The following GRIN2B variants were observed in gnomAD, a reference collection of about 807,000 sequenced individuals.
GRIN2B encodes glutamate receptor ionotropic, NMDA 2B.
In GRIN2B, 5 loss-of-function variants were observed where a neutral mutation model predicts 114.5. That is an observed-to-expected ratio of 0.04 (90% CI 0.02 to 0.09). GRIN2B has a LOEUF of 0.09. Among genes scored for constraint, GRIN2B ranks in the 10% least tolerant of loss-of-function variants. The probability of loss-of-function intolerance (pLI) is 1.00; values close to 1 mark genes in which losing one functional copy is unlikely to be tolerated. For synonymous variants in GRIN2B, 787 were observed against 745.1 expected (o/e 1.06, Z -0.92); for missense variants, 1,108 against 1,943.5 (o/e 0.57, Z 8.08).
chr12:13,976,868 C>G (rs1591650232), intron 2 of GRIN2B, among the ~76,000 whole-genome samples: 2 of 152,108 alleles, frequency 1.3e-5, no homozygotes, highest in South Asian at 4.1e-4. Flanking sequence ...AGGGATGCAT[C>G]AGCTCAGTCC....
chr12:13,543,370 A>G lies in GRIN2B; in HGVS notation c.*19413T>C, dbSNP rs1948305873. 2 of 152,188 alleles carry G rather than the reference A, an allele frequency of 1.3e-5. No individual in the cohort carries two copies. The highest frequency in any genetic ancestry group is 2.9e-5 in the Non-Finnish European group (2 of 68,060). 9.4% of individuals were successfully genotyped at this position (152,188 alleles called of 1,614,324 possible). A position where few individuals can be genotyped will look rare whatever the true frequency, so the allele number is the denominator to read the frequency against. On this transcript the variant is annotated 3_prime_UTR_variant, in exon 14 of 14. Coordinates refer to ENST00000609686, the MANE Select transcript of GRIN2B (RefSeq NM_000834.5). ...CTTGAATCTCAATCCTCTGCCTCTA[A>G]TATGCTTCATTGTTCCTCCTTCCCT...
intron 3 of GRIN2B, among the ~76,000 whole-genome samples, chr12:13,859,599 G>A (rs10772713): frequency 0.38 from 57,842 of 151,874 alleles, 11,244 homozygotes; most frequent in Middle Eastern, 0.47. Flanking sequence ...AGGTAATTTT[G>A]TCCTGGCTTT....
intron 5 of GRIN2B, among the ~76,000 whole-genome samples, chr12:13,657,757 A>T (rs1949880618): frequency 6.6e-6 from 1 of 152,234 alleles, no homozygotes; most frequent in South Asian, 2.1e-4. Context: ...GACAGAGATT[A>T]GATATTTCAT....
chr12:13,865,882 G>A lies in GRIN2B; in HGVS notation c.327C>T (p.Ala109=), dbSNP rs748395100. Residue 109 remains alanine, a synonymous_variant, in exon 3 of 14, where the codon GCC becomes GCT. Coordinates refer to ENST00000609686, the MANE Select transcript of GRIN2B (RefSeq NM_000834.5). ...FADDTDQEAI[A]QILDFISAQT... The stretch of plus-strand genomic sequence containing the variant: ...GTGCTGAAATGAAATCGAGGATCTG[G>A]GCGATGGCTTCCTGGTCTGTGTCAT... 1.2e-6 allele frequency: 2 copies of A among 1,614,046 alleles called. No individual in the cohort carries two copies. The highest frequency in any genetic ancestry group is 4.5e-5 in the East Asian group (2 of 44,860).
chr12:13,761,281 C>T (rs1327989850), intron 3 of GRIN2B, among the ~76,000 whole-genome samples: 2 of 152,118 alleles, frequency 1.3e-5, no homozygotes, highest in Non-Finnish European at 2.9e-5. Flanking sequence ...TGAATTTGGC[C>T]CCATTTTCCT....
rs75650582 is a variant in GRIN2B at position 13,644,303 on chromosome 12, T to C, written c.1126-27646A>G. Among the ~76,000 whole-genome samples the C allele has an allele frequency of 1.9e-3, 282 of 152,284 alleles. 3 individuals are homozygous for C. The highest frequency in any genetic ancestry group is 6.5e-3 in the African/African-American group (270 of 41,584). On this transcript the variant is annotated intron_variant, in intron 5 of 13. Transcript: ENST00000609686. ...GGTCTTGAATGACTAGATGTATTTA[T>C]TGTCAATGAGCAGTGATATTTTGAA...
chr12:13,563,366 T>A lies in GRIN2B; in HGVS notation c.3872A>T (p.Gln1291Leu). The A allele has an allele frequency of 6.2e-7, 1 of 1,614,180 alleles. No individual in the cohort carries two copies. The highest frequency in any genetic ancestry group is 8.5e-7 in the Non-Finnish European group (1 of 1,180,030). ...YPQSPTNSKA[Q>L]KKNRNKLRRQ... ...GCGCAGTTTGTTCCGGTTCTTCTTCTGGGCCTTGGAATTAGTCGGGCTCTG... is the reference window on the plus strand; with the variant it reads ...GCGCAGTTTGTTCCGGTTCTTCTTCAGGGCCTTGGAATTAGTCGGGCTCTG... Residue 1291 changes from glutamine to leucine, a missense_variant, in exon 14 of 14, where the codon CAG becomes CTG. Gln to Leu is a moderately radical substitution (Grantham distance 113, BLOSUM62 -2). Transcript: ENST00000609686.
Position 13,753,326 on chromosome 12 carries a change from A to G in GRIN2B, c.1001T>C (p.Met334Thr). The change falls in exon 4 of 14, where the codon ATG (methionine) becomes ACG (threonine). Residue 334 changes from methionine to threonine, a missense_variant. Transcript: ENST00000609686. The surrounding 1 kb of genome is among the most constrained non-coding windows in gnomAD (Gnocchi z 6.2). Reference protein sequence around the residue: ...THEKRIYQSNMLNRYLINVTF... With the variant: ...THEKRIYQSNTLNRYLINVTF... ...TCTGTTCCACACTCACCTATTTAGC[A>G]TATTGGACTGGTAGATTCTCTTCTC... is the stretch of plus-strand genomic sequence containing the variant. 1.9e-6 allele frequency: 3 copies of G among 1,562,016 alleles called. No individual in the cohort carries two copies. Among genetic ancestry groups the G allele is most frequent in the South Asian group, 1.1e-5 (1 of 90,002 alleles).
At chr12:13,819,693 C>A (rs1464289859) in intron 3 of GRIN2B, among the ~76,000 whole-genome samples, 1 of 152,172 alleles carries the variant, frequency 6.6e-6, no homozygotes, top group Non-Finnish European at 1.5e-5. Context: ...AGACTACAAA[C>A]AGTTTTACAG....
chr12:13,857,470 C>T (rs1591770017), intron 3 of GRIN2B, among the ~76,000 whole-genome samples: 1 of 152,052 alleles, frequency 6.6e-6, no homozygotes, highest in East Asian at 1.9e-4. Context: ...TTCTAAGAAT[C>T]CCTAAAAGGG....
intron 2 of GRIN2B, chr12:13,977,229 A>G (rs1242289281): frequency 6.6e-6 from 1 of 152,128 alleles, no homozygotes; most frequent in South Asian, 2.1e-4. Flanking sequence ...AAAATTGCAT[A>G]TATACATTAG....
rs550743286 is a variant in GRIN2B at position 13,802,442 on chromosome 12, A to G, written c.412-48527T>C. 5.3e-5 allele frequency among the ~76,000 whole-genome samples: 8 copies of G among 152,278 alleles called. 1 individual carries two copies. In the South Asian group the frequency reaches 1.0e-3, roughly 20 times the overall value. On this transcript the variant is annotated intron_variant, in intron 3 of 13. Transcript: ENST00000609686. ...AGCCACAAGATGTTGGTACTATTTGACCAAGTAAGTCCAGTTCTGAAAATT... is the reference window on the plus strand; with the variant it reads ...AGCCACAAGATGTTGGTACTATTTGGCCAAGTAAGTCCAGTTCTGAAAATT...
intron 3 of GRIN2B, among the ~76,000 whole-genome samples, chr12:13,827,210 T>C (rs1865055068): frequency 6.9e-6 from 1 of 143,944 alleles, no homozygotes; most frequent in Non-Finnish European, 1.5e-5. Context: ...TTGTTTATAA[T>C]GTGCCTTATT....
At chr12:13,713,766 T>G (rs548942123) in intron 4 of GRIN2B, among the ~76,000 whole-genome samples, 1 of 151,960 alleles carries the variant, frequency 6.6e-6, no homozygotes. Flanking sequence ...GCTTGCATAT[T>G]TAGAAATCTG....
chr12:13,684,728 A>T (rs2063042426), intron 4 of GRIN2B, among the ~76,000 whole-genome samples: 1 of 152,128 alleles, frequency 6.6e-6, no homozygotes, highest in African/African-American at 2.4e-5. Flanking sequence ...TCTTCCAGAG[A>T]TTAGGTGTTC....
At position 13,558,831 on chromosome 12, in the gene GRIN2B, G is replaced by A. The variant is rs1385874483; in HGVS notation, c.*3952C>T. ...CACTGTACATGCATCACTTTGAAGG[G>A]TGTGCAAAGTCTCGACTCAGGCAAA... On this transcript the variant is annotated 3_prime_UTR_variant, in exon 14 of 14. Transcript: ENST00000609686. 1 of 152,222 alleles carries A rather than the reference G, an allele frequency of 6.6e-6. No individual in the cohort carries two copies. Among genetic ancestry groups the A allele is most frequent in the African/African-American group, 2.4e-5 (1 of 41,448 alleles). The allele number at this position is 152,222 out of a possible 1,614,324, so 9.4% of individuals were successfully genotyped here.
chr12:13,700,401 G>T (rs1290425643), intron 4 of GRIN2B, among the ~76,000 whole-genome samples: 2 of 152,106 alleles, frequency 1.3e-5, no homozygotes, highest in African/African-American at 2.4e-5. Flanking sequence ...CATTAAAAAT[G>T]ACTGCAATTT....
chr12:13,570,643 C>T (rs909286369), intron 11 of GRIN2B, among the ~76,000 whole-genome samples: 1 of 151,064 alleles, frequency 6.6e-6, no homozygotes. Context: ...CATATAGTTC[C>T]TAAACATATA....
intron 5 of GRIN2B, among the ~76,000 whole-genome samples, chr12:13,622,889 G>A (rs148641441): frequency 5.9e-5 from 9 of 152,272 alleles, no homozygotes; most frequent in African/African-American, 9.6e-5. Flanking sequence ...TCTCAACAAC[G>A]TTGCATTGAA....
Sources: allele counts gnomAD v4.1 joint callset (sites outside exome capture counted in the v4.1 genomes callset), GRCh38; gene constraint gnomAD v4.1.1; non-coding constraint Gnocchi (gnomAD v3.1); transcripts MANE v1.5; gene names NCBI Gene and HGNC (gene_info 2026-07-23, HGNC 2026-07-21).